SCN7A: variants seen among roughly 807,000 people sequenced by gnomAD.
SCN7A encodes sodium voltage-gated channel alpha subunit 7.
Under a neutral mutation model 155.2 loss-of-function variants are expected in SCN7A, and 138 were observed. The observed-to-expected ratio is 0.89, with a 90% CI of 0.77 to 1.02. The LOEUF is 1.02. Among genes scored for constraint, SCN7A ranks in the 50% least tolerant of loss-of-function variants. The probability of loss-of-function intolerance (pLI) is 0.00; values close to 1 mark genes in which losing one functional copy is unlikely to be tolerated. For missense variants in SCN7A, 2,058 were observed against 1,986.6 expected, an observed-to-expected ratio of 1.04 and a Z score of -0.68; for synonymous variants, 693 against 649.0, an observed-to-expected ratio of 1.07 and a Z score of -1.03.
rs753679930 is a variant in SCN7A, at chr2:166,406,651, G to C, written c.3983-5C>G. 16 of 1,571,588 alleles carry C rather than the reference G, an allele frequency of 1.0e-5. No individual in the cohort carries two copies. The South Asian group carries it at 1.9e-4, about 18-fold the overall frequency. On this transcript the variant is annotated splice_polypyrimidine_tract_variant and splice_region_variant and intron_variant, in intron 25 of 25. Transcript: ENST00000643258. ...CTGTCATAGGCAGACATAGTCCTGG[G>C]GGTGGGAAAGATAAAGCAGGCTATA...
chr2:166,417,168 T>C (rs1457673619), intron 20 of SCN7A, among the ~76,000 whole-genome samples, 183 bp from the exon 21 acceptor site: 1 of 152,174 alleles, frequency 6.6e-6, no homozygotes, highest in African/African-American at 2.4e-5. Flanking sequence ...ATTCAATTTT[T>C]ATTTAGAAAA....
Position 166,429,177 on chromosome 2 carries a change from A to G in SCN7A, c.2690T>C (p.Leu897Pro). ...MFYGGERSKH[L>P]KNGCRRGSSL... ...TAACAAAATTTTCTTACCATTTTTC[A>G]GATGCTTTGATCTTTCACCTCCATA... Residue 897 changes from leucine (L) to proline (P), a missense_variant, in exon 17 of 26, where the codon CTG becomes CCG. By Grantham distance (98) the Leu-to-Pro change is moderately conservative. Transcript: ENST00000643258. 6.6e-7 allele frequency: 1 copy of G among 1,522,658 alleles called. No homozygotes were observed. Among genetic ancestry groups the G allele is most frequent in the Non-Finnish European group, 8.8e-7 (1 of 1,134,428 alleles). The allele number at this position is 1,522,658 out of a possible 1,614,324, so 94.3% of individuals were successfully genotyped here. A position where few individuals can be genotyped will look rare whatever the true frequency, so the allele number is the denominator to read the frequency against.
chr2:166,475,806 CAAAT>C (rs1349073983), intron 3 of SCN7A, among the ~76,000 whole-genome samples: 2 of 151,898 alleles, frequency 1.3e-5, no homozygotes, highest in African/African-American at 4.8e-5. Context: ...AAATACAAGT[CAAAT>C]AAATTGTCGT....
chr2:166,412,599 A>C lies in SCN7A; in HGVS notation c.3537T>G (p.Phe1179Leu). ...GCATACTCAGAGGGAGAAATACTCC[A>C]AATATAATAAAGTTGATAAAGTAAC... The part of the protein sequence containing the change: ...MYCYFINFII[F>L]GVFLPLSMLI... Residue 1179 changes from phenylalanine (F) to leucine (L), a missense_variant, in exon 23 of 26, where the codon TTT (phenylalanine) becomes TTG (leucine). By Grantham distance (22) the Phe-to-Leu change is conservative. Coordinates refer to ENST00000643258, the MANE Select transcript of SCN7A (RefSeq NM_002976.4). 1 of 1,523,760 alleles carries C rather than the reference A, an allele frequency of 6.6e-7. No individual in the cohort carries two copies. Among genetic ancestry groups the C allele is most frequent in the Non-Finnish European group, 8.8e-7 (1 of 1,137,254 alleles). 94.4% of individuals were successfully genotyped at this position (1,523,760 alleles called of 1,614,324 possible). A position where few individuals can be genotyped will look rare whatever the true frequency, so the allele number is the denominator to read the frequency against.
intron 23 of SCN7A, 148 bp downstream of exon 23, chr2:166,412,382 C>G: frequency 1.0e-6 from 1 of 971,108 alleles, no homozygotes; most frequent in Non-Finnish European, 1.3e-6. Flanking sequence ...TGTGCAGGAA[C>G]ATTAATCATG....
At chr2:166,446,925 C>T (rs773001434) in intron 12 of SCN7A, among the ~76,000 whole-genome samples, 11 of 151,990 alleles carry the variant, frequency 7.2e-5, no homozygotes, top group Admixed American at 2.0e-4. Context: ...CTAATGCATG[C>T]GGAGCTTAAG....
chr2:166,458,683 GCA>G (rs999859905), intron 10 of SCN7A, among the ~76,000 whole-genome samples: 1 of 151,960 alleles, frequency 6.6e-6, no homozygotes, highest in African/African-American at 2.4e-5. Flanking sequence ...CAAATACTTG[GCA>G]CAGTGTTCCA....
At chr2:166,430,959 G>A (rs1343384267) in intron 16 of SCN7A, among the ~76,000 whole-genome samples, 1 of 151,860 alleles carries the variant, frequency 6.6e-6, no homozygotes, top group Non-Finnish European at 1.5e-5. Flanking sequence ...TACATCTTTT[G>A]TGAGTAGTTA....
chr2:166,478,304 A>T (rs974918650), intron 2 of SCN7A, among the ~76,000 whole-genome samples: 5 of 149,416 alleles, frequency 3.3e-5, no homozygotes, highest in Non-Finnish European at 6.0e-5. Context: ...TATAATAAAA[A>T]ATATATATAA....
At chr2:166,446,188 C>A (rs1339168922) in intron 12 of SCN7A, among the ~76,000 whole-genome samples, 2 of 149,708 alleles carry the variant, frequency 1.3e-5, no homozygotes, top group Non-Finnish European at 3.0e-5. Context: ...GAAGAAAAAA[C>A]CCCATCAAAA....
intron 1 of SCN7A, among the ~76,000 whole-genome samples, chr2:166,493,511 T>G (rs1383133353): frequency 6.6e-6 from 1 of 152,198 alleles, no homozygotes. Context: ...CATCAATGCC[T>G]CTACTTTTAT....
Position 166,477,519 on chromosome 2 carries a change from C to A in SCN7A, c.178G>T (p.Gly60Ter), listed in dbSNP as rs1469476357. 3.9e-6 allele frequency: 6 copies of A among 1,557,378 alleles called. No individual in the cohort carries two copies. Among genetic ancestry groups the A allele is most frequent in the Non-Finnish European group, 5.2e-6 (6 of 1,149,052 alleles). Residue 60 changes from glycine to a stop codon, truncating the protein, a stop_gained, in exon 3 of 26, where the codon GGA becomes TGA. Transcript: ENST00000643258. LOFTEE classifies it high-confidence loss of function. ...LPFIYGNLSQGMVSEPLEDVD... is the reference protein window; with the variant it reads ...LPFIYGNLSQ Reference sequence around the variant, plus strand: ...TCTTCCAAGGGCTCTGACACCATTCCTTGAGAAAGGTTTCCATAAATAAAT... The same window carrying A: ...TCTTCCAAGGGCTCTGACACCATTCATTGAGAAAGGTTTCCATAAATAAAT...
rs372565445 is a variant in SCN7A, at chr2:166,444,833, C to T, written c.1555G>A (p.Val519Ile). 3.5e-5 allele frequency: 56 copies of T among 1,610,854 alleles called. 1 individual carries two copies. The highest frequency in any genetic ancestry group is 1.7e-4 in the Middle Eastern group (1 of 6,052). Residue 519 changes from valine to isoleucine, a missense_variant, in exon 13 of 26, where the codon GTA becomes ATA. Coordinates refer to ENST00000643258, the MANE Select transcript of SCN7A (RefSeq NM_002976.4). ...LFLIICIILN[V>I]CFLTLEHYPM... Reference sequence around the variant, plus strand: ...TAATGCTCCAAGGTCAGAAAACATACGTTTAAAATTATGCATATGATAAGG... The same window carrying T: ...TAATGCTCCAAGGTCAGAAAACATATGTTTAAAATTATGCATATGATAAGG...
At chr2:166,423,621 C>T (rs1701559190) in intron 18 of SCN7A, among the ~76,000 whole-genome samples, 189 bp from the exon 19 acceptor site, 1 of 151,920 alleles carries the variant, frequency 6.6e-6, no homozygotes, top group Non-Finnish European at 1.5e-5. Flanking sequence ...TTATTTGACC[C>T]CATGCCTACG....
rs759853098 is a variant in SCN7A at position 166,462,428 on chromosome 2, C to T, written c.1044G>A (p.Arg348=). 6.2e-7 allele frequency: 1 copy of T among 1,606,848 alleles called. No individual in the cohort carries two copies. Among genetic ancestry groups the T allele is most frequent in the South Asian group, 1.1e-5 (1 of 89,404 alleles). Residue 348 remains arginine (R), a synonymous_variant, in exon 10 of 26, where the codon CGG becomes CGA. Coordinates refer to ENST00000643258, the MANE Select transcript of SCN7A (RefSeq NM_002976.4). ...CTTCAGGGTAATCCTGAGCCATTAA[C>T]CGAAATAGGGCAAATAAGGCCCAGC... The part of the protein sequence containing the change: ...SFGWALFALF[R]LMAQDYPEVL...
At chr2:166,414,109 ATAAATATATATAATATATTATATATATG>A (rs1559088122) in intron 21 of SCN7A, among the ~76,000 whole-genome samples, 2 of 84,956 alleles carry the variant, frequency 2.4e-5, no homozygotes, top group African/African-American at 1.0e-4. Flanking sequence ...TATATTATAT[ATAAATATATATAATATATTATATATATG>A]TAAATATATA....
At chr2:166,414,315 C>CAT (rs796872360) in intron 21 of SCN7A, among the ~76,000 whole-genome samples, 4,197 of 76,668 alleles carry the variant, frequency 0.055, 312 homozygotes, top group African/African-American at 0.12. Flanking sequence ...TATATATACA[C>CAT]ATATATATAT....
At chr2:166,462,949 G>A (rs1009435823) in intron 9 of SCN7A, among the ~76,000 whole-genome samples, 4 of 151,906 alleles carry the variant, frequency 2.6e-5, no homozygotes, top group Non-Finnish European at 5.9e-5. Context: ...TAAATCTATC[G>A]TCTTATCATT....
At chr2:166,489,092 A>G (rs1033055120) in intron 1 of SCN7A, among the ~76,000 whole-genome samples, 1 of 152,192 alleles carries the variant, frequency 6.6e-6, no homozygotes, top group African/African-American at 2.4e-5. Flanking sequence ...GTCTACCCTA[A>G]GGGACTAATA....
Sources: gnomAD v4.1 joint callset for allele counts (sites outside exome capture counted in the v4.1 genomes callset) on GRCh38, gnomAD v4.1.1 for gene constraint, MANE v1.5 for transcripts, NCBI Gene and HGNC (gene_info 2026-07-23, HGNC 2026-07-21) for gene names.